The following SLC6A3 variants were observed in gnomAD, a reference collection of about 807,000 sequenced individuals.
SLC6A3 encodes sodium-dependent dopamine transporter.
Under a neutral mutation model 70.4 loss-of-function variants are expected in SLC6A3, and 19 were observed. That is an observed-to-expected ratio of 0.27 (90% CI 0.19 to 0.40). The LOEUF (loss-of-function observed/expected upper bound fraction) is 0.40, where lower values mean the gene tolerates loss of function less well. Ranked by LOEUF, SLC6A3 falls within the 10% of genes least tolerant of loss-of-function variation. The pLI, the probability that SLC6A3 is intolerant of heterozygous loss-of-function variation, is 1.00. For synonymous variants in SLC6A3, 368 were observed against 356.6 expected (o/e 1.03, Z -0.36); for missense variants, 613 against 838.5 (o/e 0.73, Z 3.32).
rs369555707 is a variant in SLC6A3, at chr5:1,430,971, C to T, written c.653+1493G>A. Among the ~76,000 whole-genome samples the T allele has an allele frequency of 1.6e-4, 25 of 152,364 alleles. No homozygotes were observed. In the East Asian group the frequency reaches 4.1e-3, roughly 25 times the overall value. On this transcript the variant is annotated intron_variant, in intron 4 of 14. Coordinates refer to ENST00000270349, the MANE Select transcript of SLC6A3 (RefSeq NM_001044.5). Reference sequence around the variant, plus strand: ...AAGTGGACTCATTTTGGCATATAAACGTGAATAAGATGCGTCTAACCAGGC... The same window carrying T: ...AAGTGGACTCATTTTGGCATATAAATGTGAATAAGATGCGTCTAACCAGGC...
intron 8 of SLC6A3, among the ~76,000 whole-genome samples, chr5:1,414,475 T>TA (rs1560912988): frequency 1.3e-5 from 1 of 74,438 alleles, no homozygotes; most frequent in Non-Finnish European, 2.8e-5. Context: ...AGGCGCTGGG[T>TA]GGGGGGCCTG....
chr5:1,442,866 A>AC lies in SLC6A3; in HGVS notation c.286+45dup, dbSNP rs764704490. On this transcript the variant is annotated intron_variant, in intron 2 of 14. Transcript: ENST00000270349. The surrounding 1 kb of genome is among the most constrained non-coding windows in gnomAD (Gnocchi z 5.0). ...TGCCTTGGCCCCGGCTGCCCCTACGACCCCCGCCCGGCCAGCATGCTCAGG... is the reference window on the plus strand; with the variant it reads ...TGCCTTGGCCCCGGCTGCCCCTACGACCCCCCGCCCGGCCAGCATGCTCAGG... The AC allele has an allele frequency of 2.3e-5, 37 of 1,607,552 alleles. No homozygotes were observed. The highest frequency in any genetic ancestry group is 1.7e-4 in the African/African-American group (13 of 74,570).
chr5:1,420,137 C>T lies in SLC6A3; in HGVS notation c.927+432G>A, dbSNP rs559811320. 3.3e-5 allele frequency among the ~76,000 whole-genome samples: 5 copies of T among 152,302 alleles called. No individual in the cohort carries two copies. The South Asian group carries it at 1.0e-3, about 32-fold the overall frequency. ...CTGCCACCTCCCCCACTTAGTCCACCTGATTTCCAACGATGCCCCAAGGGA... is the reference window on the plus strand; with the variant it reads ...CTGCCACCTCCCCCACTTAGTCCACTTGATTTCCAACGATGCCCCAAGGGA... On this transcript the variant is annotated intron_variant, in intron 6 of 14. Coordinates refer to ENST00000270349, the MANE Select transcript of SLC6A3 (RefSeq NM_001044.5).
intron 11 of SLC6A3, among the ~76,000 whole-genome samples, chr5:1,407,518 C>T (rs548520270): frequency 3.9e-5 from 6 of 152,344 alleles, no homozygotes; most frequent in East Asian, 3.9e-4. Context: ...CGGCGTATTC[C>T]GGCACATCTT....
chr5:1,422,062 C>T (rs575915851), intron 4 of SLC6A3, 48 bp from the exon 5 acceptor site: 10 of 1,595,052 alleles, frequency 6.3e-6, no homozygotes, highest in Non-Finnish European at 8.5e-6. Flanking sequence ...TGTCAACCCA[C>T]CTGGAACTGG....
chr5:1,430,797 C>CTCACCTCCCACCTGGCTGTTCCTA (rs3834250), intron 4 of SLC6A3, among the ~76,000 whole-genome samples: 11 of 151,942 alleles, frequency 7.2e-5, no homozygotes, highest in African/African-American at 2.2e-4. Context: ...GGCTTCTCTG[C>CTCACCTCCCACCTGGCTGTTCCTA]TCACCGTGAC....
At position 1,396,542 on chromosome 5, in the gene SLC6A3, GT is replaced by G. The variant is rs1383745284; in HGVS notation, c.1840-1785del. 6.6e-6 allele frequency among the ~76,000 whole-genome samples: 1 copy of G among 152,234 alleles called. No homozygotes were observed. Among genetic ancestry groups the G allele is most frequent in the Non-Finnish European group, 1.5e-5 (1 of 68,040 alleles). Reference sequence around the variant, plus strand: ...AGCGAGGGAAACGGAGGTGGCTGCAGTTTGCAGGCCAGAGCGCCAGAGAGGA... The same window carrying G: ...AGCGAGGGAAACGGAGGTGGCTGCAGTTGCAGGCCAGAGCGCCAGAGAGGA... On this transcript the variant is annotated intron_variant, in intron 14 of 14. Transcript: ENST00000270349. This position sits in a 1 kb window ranked among gnomAD's most constrained non-coding sequence, Gnocchi z 7.0.
At chr5:1,417,727 C>A (rs1756340053) in intron 6 of SLC6A3, among the ~76,000 whole-genome samples, 1 of 152,294 alleles carries the variant, frequency 6.6e-6, no homozygotes, top group South Asian at 2.1e-4. Context: ...GCAGCCAACC[C>A]CCCCTTGGAG....
chr5:1,442,790 C>A lies in SLC6A3; in HGVS notation c.286+122G>T. ...GATCTGCACCGGCCGTGAGCTCTCA[C>A]AGGGAGCTCCGTCTTCACGCATGGG... On this transcript the variant is annotated intron_variant, in intron 2 of 14. Coordinates refer to ENST00000270349, the MANE Select transcript of SLC6A3 (RefSeq NM_001044.5). This position sits in a 1 kb window ranked among gnomAD's most constrained non-coding sequence, Gnocchi z 5.0. 2.0e-6 allele frequency: 2 copies of A among 1,008,526 alleles called. No homozygotes were observed. The highest frequency in any genetic ancestry group is 3.1e-6 in the Non-Finnish European group (2 of 642,626). 62.5% of individuals were successfully genotyped at this position (1,008,526 alleles called of 1,614,324 possible). A position where few individuals can be genotyped will look rare whatever the true frequency, so the allele number is the denominator to read the frequency against.
chr5:1,415,670 CAGTA>C (rs899827882), intron 7 of SLC6A3, among the ~76,000 whole-genome samples: 1 of 152,024 alleles, frequency 6.6e-6, no homozygotes, highest in Non-Finnish European at 1.5e-5. Flanking sequence ...AGGTGCCTGC[CAGTA>C]AGTAACACGG....
intron 8 of SLC6A3, among the ~76,000 whole-genome samples, chr5:1,414,393 C>T (rs1369273987): frequency 1.3e-5 from 1 of 78,296 alleles, no homozygotes; most frequent in Non-Finnish European, 2.6e-5. Flanking sequence ...AGGAAAGGCA[C>T]TGGGTGGGGG....
chr5:1,418,232 G>T (rs1756352381), intron 6 of SLC6A3, among the ~76,000 whole-genome samples: 1 of 152,086 alleles, frequency 6.6e-6, no homozygotes, highest in South Asian at 2.1e-4. Flanking sequence ...ATCTGTGTGT[G>T]CAGCTCAGGC....
intron 3 of SLC6A3, among the ~76,000 whole-genome samples, chr5:1,433,082 T>C (rs952102268): frequency 7.9e-5 from 12 of 151,808 alleles, no homozygotes; most frequent in Non-Finnish European, 1.3e-4. Context: ...TGGTCATCCA[T>C]CCCCACCACA....
intron 14 of SLC6A3, among the ~76,000 whole-genome samples, 163 bp downstream of exon 14, chr5:1,400,752 T>G (rs1297274481): frequency 2.0e-5 from 3 of 152,154 alleles, no homozygotes; most frequent in East Asian, 3.9e-4. Flanking sequence ...ACGTCTCCAC[T>G]GTCACCTGCC....
At chr5:1,412,207 C>A (rs1454733257) in intron 8 of SLC6A3, among the ~76,000 whole-genome samples, 1 of 152,268 alleles carries the variant, frequency 6.6e-6, no homozygotes, top group Non-Finnish European at 1.5e-5. Context: ...TGCTGTGAAC[C>A]CACAGTGAGC....
rs1198239141 is a variant in SLC6A3 at position 1,438,889 on chromosome 5, G to A, written c.418+2470C>T. 6.6e-6 allele frequency among the ~76,000 whole-genome samples: 1 copy of A among 152,174 alleles called. No homozygotes were observed. The highest frequency in any genetic ancestry group is 1.5e-5 in the Non-Finnish European group (1 of 68,040). On this transcript the variant is annotated intron_variant, in intron 3 of 14. Coordinates refer to ENST00000270349, the MANE Select transcript of SLC6A3 (RefSeq NM_001044.5). The surrounding 1 kb of genome is among the most constrained non-coding windows in gnomAD (Gnocchi z 6.5). ...CAGTTTCCCCTACCCCAGTGGGCCGGCTTCATCTCTGACTCAGCATCCCAA... is the reference window on the plus strand; with the variant it reads ...CAGTTTCCCCTACCCCAGTGGGCCGACTTCATCTCTGACTCAGCATCCCAA...
chr5:1,423,357 C>CTGGGTACCCACCGCTGCCCACAG (rs1560919414), intron 4 of SLC6A3, among the ~76,000 whole-genome samples: 11 of 96,466 alleles, frequency 1.1e-4, no homozygotes, highest in East Asian at 2.6e-4. Context: ...GCTGCCCACG[C>CTGGGTACCCACCGCTGCCCACAG]TGCTGGGTAC....
Position 1,408,599 on chromosome 5 carries a change from C to T in SLC6A3, c.1498+427G>A, listed in dbSNP as rs957209625. On this transcript the variant is annotated intron_variant, in intron 11 of 14. Transcript: ENST00000270349. The surrounding 1 kb of genome is among the most constrained non-coding windows in gnomAD (Gnocchi z 6.4). ...AATGGGCCAGGAGCTGCACCCCGTT[C>T]GAGCGCCGCCCGCTGATCATCAGGT... Among the ~76,000 whole-genome samples the T allele has an allele frequency of 5.3e-5, 8 of 152,170 alleles. No individual in the cohort carries two copies. The highest frequency in any genetic ancestry group is 8.8e-5 in the Non-Finnish European group (6 of 68,036).
rs375605233 is a variant in SLC6A3 at position 1,416,139 on chromosome 5, G to A, written c.990C>T (p.Ile330=). The change falls in exon 7 of 15, where the codon ATC becomes ATT. Residue 330 remains isoleucine (I), a synonymous_variant. Coordinates refer to ENST00000270349, the MANE Select transcript of SLC6A3 (RefSeq NM_001044.5). ...FSLGVGFGVL[I]AFSSYNKFTN... Reference sequence around the variant, plus strand: ...TGAACTTGTTGTAGCTGGAGAAGGCGATCAGCACCCCGAACCCCACGCCCA... The same window carrying A: ...TGAACTTGTTGTAGCTGGAGAAGGCAATCAGCACCCCGAACCCCACGCCCA... The A allele has an allele frequency of 2.1e-5, 34 of 1,614,024 alleles. No individual in the cohort carries two copies. The highest frequency in any genetic ancestry group is 8.0e-5 in the African/African-American group (6 of 75,018).
Sources: allele counts gnomAD v4.1 joint callset (sites outside exome capture counted in the v4.1 genomes callset), GRCh38; gene constraint gnomAD v4.1.1; non-coding constraint Gnocchi (gnomAD v3.1); transcripts MANE v1.5; gene names NCBI Gene and HGNC (gene_info 2026-07-23, HGNC 2026-07-21).